CDC14A: variants seen among roughly 807,000 people sequenced by gnomAD.
CDC14A encodes cell division cycle 14A.
A neutral mutation model predicts 74.4 loss-of-function variants in CDC14A; 53 were observed. The observed-to-expected ratio is 0.71, with a 90% CI of 0.57 to 0.89. The LOEUF is 0.89. Among genes scored for constraint, CDC14A ranks in the 40% least tolerant of loss-of-function variants. The pLI is 0.00. For missense variants in CDC14A, 646 were observed against 713.7 expected (o/e 0.91, Z 1.08); for synonymous variants, 247 against 258.4 (o/e 0.96, Z 0.43).
chr1:100,487,415 A>G (rs1670130160), intron 11 of CDC14A, among the ~76,000 whole-genome samples: 2 of 152,100 alleles, frequency 1.3e-5, no homozygotes, highest in Admixed American at 6.6e-5. Flanking sequence ...AGAAAAAATT[A>G]GCCAGGTGTG....
chr1:100,390,960 G>C, intron 4 of CDC14A, 136 bp downstream of exon 4: 1 of 709,810 alleles, frequency 1.4e-6, no homozygotes, highest in South Asian at 1.5e-5. Flanking sequence ...TTGATCTGTA[G>C]TGAGAAATAT....
At chr1:100,417,486 T>G (rs1661686116) in intron 4 of CDC14A, among the ~76,000 whole-genome samples, 1 of 152,246 alleles carries the variant, frequency 6.6e-6, no homozygotes, top group Non-Finnish European at 1.5e-5. Flanking sequence ...TATCCCATGT[T>G]GGAAGTGGCT....
chr1:100,356,643 C>T (rs939751321), intron 2 of CDC14A, among the ~76,000 whole-genome samples: 1 of 151,908 alleles, frequency 6.6e-6, no homozygotes, highest in East Asian at 1.9e-4. Flanking sequence ...ATCACGAGGC[C>T]AGGAGTTCAA....
At chr1:100,497,986 T>C in intron 13 of CDC14A, 99 bp from the exon 14 acceptor site, 1 of 1,297,806 alleles carries the variant, frequency 7.7e-7, no homozygotes, top group Non-Finnish European at 1.1e-6. Flanking sequence ...CCTGTCATGA[T>C]ATCTTTAAGA....
chr1:100,353,948 C>T (rs1361548137), intron 2 of CDC14A, 96 bp downstream of exon 2: 1 of 694,878 alleles, frequency 1.4e-6, no homozygotes, highest in African/African-American at 1.8e-5. Flanking sequence ...ATTCATTTCC[C>T]CCCCAATGAT....
At chr1:100,390,631 G>T in intron 3 of CDC14A, 101 bp from the exon 4 acceptor site, 2 of 714,118 alleles carry the variant, frequency 2.8e-6, no homozygotes, top group Admixed American at 2.4e-5. Context: ...AAATTTTATG[G>T]GTTGTAGCAC....
chr1:100,415,737 A>G (rs1239581148), intron 4 of CDC14A, among the ~76,000 whole-genome samples: 3 of 152,196 alleles, frequency 2.0e-5, no homozygotes, highest in African/African-American at 4.8e-5. Context: ...AGTTTTAAAT[A>G]CAGTTGTGTT....
At chr1:100,380,707 T>G (rs1183578601) in intron 3 of CDC14A, among the ~76,000 whole-genome samples, 2 of 152,230 alleles carry the variant, frequency 1.3e-5, no homozygotes, top group Non-Finnish European at 1.5e-5. Flanking sequence ...TTTGCTTTCT[T>G]GTCTTTCTGC....
chr1:100,434,631 G>T (rs1664105344), intron 5 of CDC14A, among the ~76,000 whole-genome samples: 1 of 152,182 alleles, frequency 6.6e-6, no homozygotes, highest in Non-Finnish European at 1.5e-5. Flanking sequence ...GTGAGGGATA[G>T]GATAAGGGGA....
chr1:100,365,955 C>A lies in CDC14A; in HGVS notation c.141-11591C>A, dbSNP rs1027697892. 9.9e-5 allele frequency among the ~76,000 whole-genome samples: 15 copies of A among 151,962 alleles called. No individual in the cohort carries two copies. In the East Asian group the frequency reaches 2.7e-3, roughly 27 times the overall value. On this transcript the variant is annotated intron_variant, in intron 2 of 15. Transcript: ENST00000336454. Reference sequence around the variant, plus strand: ...CAACAAAATTTTACACACACACACACACACACACACACACACACACACGGT... The same window carrying A: ...CAACAAAATTTTACACACACACACAAACACACACACACACACACACACGGT...
intron 5 of CDC14A, 113 bp from the exon 6 acceptor site, chr1:100,439,819 G>C (rs574388887): frequency 1.4e-6 from 1 of 708,498 alleles, no homozygotes; most frequent in African/African-American, 1.8e-5. Context: ...AGTTTACCAT[G>C]TTGATAGCTG....
At chr1:100,402,747 TTATCCAGTCA>T (rs1198041027) in intron 4 of CDC14A, among the ~76,000 whole-genome samples, 7 of 152,162 alleles carry the variant, frequency 4.6e-5, no homozygotes, top group Middle Eastern at 3.2e-3. Context: ...GCTGGGAGCT[TTATCCAGTCA>T]TATAGCATGT....
intron 2 of CDC14A, among the ~76,000 whole-genome samples, chr1:100,373,549 G>T (rs2100935459): frequency 6.6e-6 from 1 of 152,246 alleles, no homozygotes; most frequent in East Asian, 1.9e-4. Flanking sequence ...TCTTCAATTT[G>T]TAAAAAAATG....
intron 15 of CDC14A, among the ~76,000 whole-genome samples, chr1:100,509,494 T>C (rs1202402719): frequency 6.8e-6 from 1 of 147,358 alleles, no homozygotes; most frequent in Non-Finnish European, 1.5e-5. Context: ...CTTGCATCTT[T>C]TCTAATACTG....
chr1:100,396,971 T>C (rs1658586298), intron 4 of CDC14A, among the ~76,000 whole-genome samples: 1 of 152,166 alleles, frequency 6.6e-6, no homozygotes, highest in African/African-American at 2.4e-5. Context: ...TTGTTTAACC[T>C]GCGGCTGGCT....
intron 8 of CDC14A, 110 bp from the exon 9 acceptor site, chr1:100,462,541 C>A: frequency 1.2e-6 from 1 of 812,052 alleles, no homozygotes. Context: ...AACACACTTT[C>A]CTCCCAAGCT....
Position 100,381,828 on chromosome 1 carries a change from A to G in CDC14A, c.216+4207A>G, listed in dbSNP as rs144320308. 6.9e-4 allele frequency among the ~76,000 whole-genome samples: 105 copies of G among 152,344 alleles called. 1 individual carries two copies. The East Asian group carries it at 0.014, about 20-fold the overall frequency. On this transcript the variant is annotated intron_variant, in intron 3 of 15. Transcript: ENST00000336454. ...TGTACTTTAAAAAATTGTCAGTACT[A>G]GGAATTAGGCAGTAATAGGTTGCTG...
chr1:100,401,559 T>C (rs1659260029), intron 4 of CDC14A, among the ~76,000 whole-genome samples: 2 of 152,262 alleles, frequency 1.3e-5, no homozygotes. Flanking sequence ...TGGGCTTTGT[T>C]AATACTGTAC....
intron 7 of CDC14A, among the ~76,000 whole-genome samples, chr1:100,451,378 T>G (rs1209496274): frequency 6.6e-6 from 1 of 152,212 alleles, no homozygotes; most frequent in African/African-American, 2.4e-5. Flanking sequence ...CATGGGACAC[T>G]CCTCTTTTGC....
Sources: gnomAD v4.1 joint callset for allele counts (sites outside exome capture counted in the v4.1 genomes callset) on GRCh38, gnomAD v4.1.1 for gene constraint, MANE v1.5 for transcripts, NCBI Gene and HGNC (gene_info 2026-07-23, HGNC 2026-07-21) for gene names.